IPP: variants seen among roughly 807,000 people sequenced by gnomAD.
The protein encoded by IPP is intracisternal A particle-promoted polypeptide.
In IPP, 41 loss-of-function variants were observed where a neutral mutation model predicts 64.1. The ratio of observed to expected loss-of-function variants is 0.64; its 90% CI spans 0.50 to 0.83. The LOEUF (loss-of-function observed/expected upper bound fraction) is 0.83, where lower values mean the gene tolerates loss of function less well. IPP is among the 40% of genes least tolerant of loss of function. The pLI, the probability that IPP is intolerant of heterozygous loss-of-function variation, is 0.00. For missense variants in IPP, 649 were observed against 703.0 expected (o/e 0.92, Z 0.87); for synonymous variants, 214 against 235.2 (o/e 0.91, Z 0.83).
intron 5 of IPP, among the ~76,000 whole-genome samples, chr1:45,721,388 A>G (rs1352071710): frequency 6.6e-6 from 1 of 152,232 alleles, no homozygotes; most frequent in African/African-American, 2.4e-5. Flanking sequence ...CTATGTCATC[A>G]GCTGCCTGCA....
intron 3 of IPP, 69 bp from the exon 4 acceptor site, chr1:45,729,838 T>C (rs1645882604): frequency 5.5e-6 from 5 of 915,748 alleles, no homozygotes; most frequent in Non-Finnish European, 8.1e-6. Context: ...CACATTTCTA[T>C]AAAGATAAGA....
At chr1:45,737,672 C>T (rs939315323) in intron 3 of IPP, among the ~76,000 whole-genome samples, 2 of 152,056 alleles carry the variant, frequency 1.3e-5, no homozygotes, top group Admixed American at 6.6e-5. Flanking sequence ...GTTGCCCAGG[C>T]TGGTCTTGAA....
intron 3 of IPP, among the ~76,000 whole-genome samples, chr1:45,730,320 C>G (rs1645890040): frequency 6.6e-6 from 1 of 151,542 alleles, no homozygotes; most frequent in Non-Finnish European, 1.5e-5. Context: ...CCACTGCACT[C>G]CAGCCTGGAT....
At chr1:45,741,646 T>G (rs1179757946) in intron 2 of IPP, among the ~76,000 whole-genome samples, 1 of 70,174 alleles carries the variant, frequency 1.4e-5, no homozygotes, top group Non-Finnish European at 3.1e-5. Flanking sequence ...TTTTTTTTTT[T>G]GAGACGGAGT....
In IPP at chr1:45,743,218, G is replaced by T. The variant is rs575398085; in HGVS notation, c.293-1886C>A. ...CTCCCAAAGTGCTGGGATTACAGGCGTGAGCCACCACACCCATCTTTTTTT... is the reference window on the plus strand; with the variant it reads ...CTCCCAAAGTGCTGGGATTACAGGCTTGAGCCACCACACCCATCTTTTTTT... On this transcript the variant is annotated intron_variant, in intron 2 of 8. Transcript: ENST00000396478. 3.2e-4 allele frequency among the ~76,000 whole-genome samples: 49 copies of T among 151,202 alleles called. No homozygotes were observed. In the South Asian group the frequency reaches 9.8e-3, roughly 30 times the overall value.
chr1:45,711,398 G>A (rs1645589091), intron 8 of IPP, among the ~76,000 whole-genome samples: 1 of 151,950 alleles, frequency 6.6e-6, no homozygotes, highest in African/African-American at 2.4e-5. Flanking sequence ...AGTGCAGTTT[G>A]TAAAGACACA....
chr1:45,732,286 C>T (rs545446244), intron 3 of IPP, among the ~76,000 whole-genome samples: 2 of 134,820 alleles, frequency 1.5e-5, no homozygotes, highest in South Asian at 2.4e-4. Context: ...CGCTTGAACC[C>T]GGGACGGGGA....
At chr1:45,722,183 G>A (rs1416384972) in intron 5 of IPP, among the ~76,000 whole-genome samples, 4 of 152,138 alleles carry the variant, frequency 2.6e-5, no homozygotes, top group African/African-American at 9.7e-5. Flanking sequence ...GAACCCGGGA[G>A]GCAGAGGTTG....
intron 8 of IPP, 94 bp from the exon 9 acceptor site, chr1:45,700,284 A>G (rs1056266709): frequency 7.6e-6 from 11 of 1,456,706 alleles, no homozygotes; most frequent in African/African-American, 2.8e-5. Flanking sequence ...TTCTTTTTAC[A>G]TGTTTAAATG....
intron 3 of IPP, among the ~76,000 whole-genome samples, chr1:45,733,164 C>T (rs1238867037): frequency 6.6e-6 from 1 of 151,960 alleles, no homozygotes; most frequent in Non-Finnish European, 1.5e-5. Context: ...CAGCGGCTCA[C>T]GCCTGTAATC....
rs1646137830 is a variant in IPP at position 45,746,579 on chromosome 1, A to T, written c.-50-118T>A. ...ACTTAAGGACATAAAACAAATAAGG[A>T]CTAAAGTGTGGTACTATTACTATTT... On this transcript the variant is annotated intron_variant, in intron 1 of 8. Transcript: ENST00000396478. 3 of 565,308 alleles carry T rather than the reference A, an allele frequency of 5.3e-6. No individual in the cohort carries two copies. The East Asian group carries it at 8.6e-5, about 16-fold the overall frequency. The allele number at this position is 565,308 out of a possible 1,614,324, so 35.0% of individuals were successfully genotyped here.
intron 3 of IPP, among the ~76,000 whole-genome samples, chr1:45,734,078 A>G (rs933664163): frequency 2.0e-5 from 3 of 152,130 alleles, no homozygotes; most frequent in African/African-American, 7.2e-5. Flanking sequence ...CTAAAAGGAC[A>G]GAGCTAGGGG....
rs1557760603 is a variant in IPP, at chr1:45,741,254, T to C, written c.371A>G (p.His124Arg). 6.2e-7 allele frequency: 1 copy of C among 1,614,110 alleles called. No homozygotes were observed. Among genetic ancestry groups the C allele is most frequent in the Admixed American group, 1.7e-5 (1 of 60,018 alleles). Residue 124 changes from histidine to arginine, a missense_variant, in exon 3 of 9, where the codon CAT becomes CGT. His to Arg is a conservative substitution (Grantham distance 29, BLOSUM62 0). Coordinates refer to ENST00000396478, the MANE Select transcript of IPP (RefSeq NM_005897.3). ...TCCTTTCAGAAATTCACAGCAAAGA[T>C]GAACAACTTCAGTCAACTGTAGCAT... is the stretch of plus-strand genomic sequence containing the variant. ...ADMLQLTEVV[H>R]LCCEFLKGQI...
chr1:45,711,858 C>CT (rs1645595564), intron 8 of IPP, among the ~76,000 whole-genome samples: 1 of 151,892 alleles, frequency 6.6e-6, no homozygotes, highest in Non-Finnish European at 1.5e-5. Context: ...GGGTACGCAT[C>CT]TAATAATGGA....
rs1236258771 is a variant in IPP, at chr1:45,746,178, TACA to T, written c.231_233del (p.Val78del). ...TTCCTGCTTCAATTCCTAGAATCGG[TACA>T]ACATCTTTTGAGGACTCTTTCATTC... is the stretch of plus-strand genomic sequence containing the variant. On this transcript the variant is annotated inframe_deletion, in exon 2 of 9. Coordinates refer to ENST00000396478, the MANE Select transcript of IPP (RefSeq NM_005897.3). 3.7e-6 allele frequency: 6 copies of T among 1,614,138 alleles called. No homozygotes were observed. The highest frequency in any genetic ancestry group is 2.2e-5 in the East Asian group (1 of 44,888).
chr1:45,730,106 G>T (rs1169968582), intron 3 of IPP, among the ~76,000 whole-genome samples: 4 of 152,170 alleles, frequency 2.6e-5, no homozygotes, highest in Admixed American at 2.6e-4. Context: ...CCAGTACTTT[G>T]GGGGGCCAAG....
At chr1:45,702,898 T>C (rs1410825990) in intron 8 of IPP, among the ~76,000 whole-genome samples, 3 of 152,174 alleles carry the variant, frequency 2.0e-5, no homozygotes, top group African/African-American at 4.8e-5. Flanking sequence ...AGAAAGGAAT[T>C]TGAAATGTCA....
In IPP at chr1:45,724,922, C is replaced by G. The variant is rs1355789737; in HGVS notation, c.1048+2709G>C. On this transcript the variant is annotated intron_variant, in intron 5 of 8. Transcript: ENST00000396478. ...CAGCCCCCCGCCCGGCCAGCCGCCC[C>G]GTCCGGGAGGTGAGGGGCTCCTCTG... 4.8e-4 allele frequency among the ~76,000 whole-genome samples: 70 copies of G among 145,520 alleles called. 1 individual carries two copies. Among genetic ancestry groups the G allele is most frequent in the Admixed American group, 1.2e-3 (18 of 14,904 alleles).
intron 3 of IPP, among the ~76,000 whole-genome samples, chr1:45,735,861 C>T (rs1645973998): frequency 6.7e-6 from 1 of 150,160 alleles, no homozygotes; most frequent in South Asian, 2.1e-4. Context: ...CCTGTAATCC[C>T]AGCACTTTGG....
Sources: gnomAD v4.1 joint callset for allele counts (sites outside exome capture counted in the v4.1 genomes callset) on GRCh38, gnomAD v4.1.1 for gene constraint, MANE v1.5 for transcripts, NCBI Gene and HGNC (gene_info 2026-07-23, HGNC 2026-07-21) for gene names.